The following SGCZ variants were observed in gnomAD, a reference collection of about 807,000 sequenced individuals.
The protein encoded by SGCZ is sarcoglycan zeta, also known as zeta-sarcoglycan.
Under a neutral mutation model 41.3 loss-of-function variants are expected in SGCZ, and 40 were observed. The observed-to-expected ratio is 0.97, with a 90% CI of 0.75 to 1.26. The LOEUF is 1.26. Among genes scored for constraint, SGCZ ranks in the 50% most tolerant of loss-of-function variants. The pLI, the probability that SGCZ is intolerant of heterozygous loss-of-function variation, is 0.00. For missense variants in SGCZ, 552 were observed against 369.8 expected, an observed-to-expected ratio of 1.49 and a Z score of -4.04; for synonymous variants, 206 against 137.5, an observed-to-expected ratio of 1.50 and a Z score of -3.49.
intron 2 of SGCZ, among the ~76,000 whole-genome samples, chr8:14,510,640 A>G (rs879317522): frequency 2.0e-5 from 3 of 152,182 alleles, no homozygotes; most frequent in Non-Finnish European, 2.9e-5. Context: ...AACATCATGA[A>G]GTGAGGCCTG....
intron 1 of SGCZ, among the ~76,000 whole-genome samples, chr8:14,637,418 C>G (rs1050209868): frequency 4.6e-5 from 7 of 151,754 alleles, no homozygotes; most frequent in Non-Finnish European, 8.8e-5. Flanking sequence ...TCCCATCACT[C>G]AGATAATGAA....
intron 2 of SGCZ, among the ~76,000 whole-genome samples, chr8:14,423,376 TA>T (rs1174058037): frequency 1.3e-5 from 2 of 152,096 alleles, no homozygotes; most frequent in Admixed American, 1.3e-4. Context: ...TCTTATCCAT[TA>T]AAAAATAAAT....
At chr8:15,111,270 C>A (rs563296280) in intron 1 of SGCZ, among the ~76,000 whole-genome samples, 1 of 152,138 alleles carries the variant, frequency 6.6e-6, no homozygotes, top group Non-Finnish European at 1.5e-5. Context: ...CCCATTTCCA[C>A]GGCTGGGTAA....
rs116424194 is a variant in SGCZ at position 15,207,535 on chromosome 8, C to T, written c.39+30050G>A. Among the ~76,000 whole-genome samples, 842 of 152,110 alleles carry T rather than the reference C, an allele frequency of 5.5e-3. 6 individuals carry two copies. The highest frequency in any genetic ancestry group is 0.019 in the African/African-American group (793 of 41,492). On this transcript the variant is annotated intron_variant, in intron 1 of 7. Transcript: ENST00000382080. Reference sequence around the variant, plus strand: ...CGGCAGAGAAGTGGAGCAGACTGCTCGGTGGTGCCCACAGGACAAGGAGAT... The same window carrying T: ...CGGCAGAGAAGTGGAGCAGACTGCTTGGTGGTGCCCACAGGACAAGGAGAT...
At chr8:15,032,148 A>T (rs1185937229) in intron 1 of SGCZ, among the ~76,000 whole-genome samples, 1 of 152,156 alleles carries the variant, frequency 6.6e-6, no homozygotes, top group Non-Finnish European at 1.5e-5. Flanking sequence ...TTCAGACATC[A>T]GTGAGATGGT....
intron 1 of SGCZ, among the ~76,000 whole-genome samples, chr8:15,058,768 G>T (rs1804808115): frequency 6.6e-6 from 1 of 152,064 alleles, no homozygotes; most frequent in Non-Finnish European, 1.5e-5. Flanking sequence ...AAAATCTCGT[G>T]TCAAAAGTTC....
chr8:14,847,452 T>C (rs1436137375), intron 1 of SGCZ, among the ~76,000 whole-genome samples: 2 of 151,722 alleles, frequency 1.3e-5, no homozygotes, highest in African/African-American at 2.4e-5. Flanking sequence ...ATTGCAGGAA[T>C]GCAAGGATGA....
At chr8:15,138,780 G>A (rs1403078778) in intron 1 of SGCZ, among the ~76,000 whole-genome samples, 1 of 152,112 alleles carries the variant, frequency 6.6e-6, no homozygotes, top group African/African-American at 2.4e-5. Flanking sequence ...TCACAGCAGT[G>A]TGAGAAGATA....
At chr8:14,672,015 G>A (rs1381455133) in intron 1 of SGCZ, among the ~76,000 whole-genome samples, 1 of 151,884 alleles carries the variant, frequency 6.6e-6, no homozygotes, top group African/African-American at 2.4e-5. Flanking sequence ...TTCCAATTTG[G>A]GAATAAAAAT....
chr8:14,435,770 C>T (rs1033586285), intron 2 of SGCZ, among the ~76,000 whole-genome samples: 5 of 152,154 alleles, frequency 3.3e-5, no homozygotes, highest in Admixed American at 6.5e-5. Flanking sequence ...ACTGCAAATA[C>T]GTGAACTTGT....
chr8:14,479,902 C>G (rs1437538541), intron 2 of SGCZ, among the ~76,000 whole-genome samples: 1 of 106,964 alleles, frequency 9.3e-6, no homozygotes, highest in Non-Finnish European at 2.1e-5. Flanking sequence ...TGCACTAGCA[C>G]GCTCGACTAA....
intron 1 of SGCZ, among the ~76,000 whole-genome samples, chr8:14,687,536 A>G (rs376459099): frequency 0.017 from 2,550 of 151,820 alleles, 44 homozygotes; most frequent in South Asian, 0.083. Flanking sequence ...ATCATTTTTT[A>G]TGGCTGCATA....
At chr8:14,140,520 T>C (rs533918921) in intron 5 of SGCZ, among the ~76,000 whole-genome samples, 2 of 152,096 alleles carry the variant, frequency 1.3e-5, no homozygotes, top group East Asian at 1.9e-4. Flanking sequence ...TTCTTATACA[T>C]CAATAACAGA....
chr8:14,407,911 T>C (rs539057309), intron 2 of SGCZ, among the ~76,000 whole-genome samples: 2 of 152,240 alleles, frequency 1.3e-5, no homozygotes, highest in South Asian at 2.1e-4. Context: ...ACCTCTTGAG[T>C]CTCACGTTTT....
At position 14,310,061 on chromosome 8, in the gene SGCZ, A is replaced by G. The variant is rs542720055; in HGVS notation, c.336+14042T>C. Among the ~76,000 whole-genome samples, 69 of 152,230 alleles carry G rather than the reference A, an allele frequency of 4.5e-4. 1 individual carries two copies. The Middle Eastern group carries it at 0.01, about 23-fold the overall frequency. On this transcript the variant is annotated intron_variant, in intron 3 of 7. Coordinates refer to ENST00000382080, the MANE Select transcript of SGCZ (RefSeq NM_139167.4). ...CAGGAAAAAAAAATTCTGTTGTTCCATTGTATGCAGGAGCATATTTTGCTG... is the reference window on the plus strand; with the variant it reads ...CAGGAAAAAAAAATTCTGTTGTTCCGTTGTATGCAGGAGCATATTTTGCTG...
intron 2 of SGCZ, among the ~76,000 whole-genome samples, chr8:14,365,279 C>T (rs1412490652): frequency 6.6e-6 from 1 of 151,874 alleles, no homozygotes; most frequent in Non-Finnish European, 1.5e-5. Context: ...CCTTCTGTTC[C>T]ACTTTTGTCC....
intron 3 of SGCZ, among the ~76,000 whole-genome samples, chr8:14,245,152 G>C (rs1047618291): frequency 1.3e-5 from 2 of 152,176 alleles, no homozygotes; most frequent in Non-Finnish European, 2.9e-5. Flanking sequence ...TGGTGAGAAA[G>C]GGCATACCTG....
At chr8:15,181,903 TTCTA>T (rs1211636321) in intron 1 of SGCZ, among the ~76,000 whole-genome samples, 35 of 152,318 alleles carry the variant, frequency 2.3e-4, no homozygotes, top group Admixed American at 1.4e-3. Context: ...TGATACCTTC[TTCTA>T]ATGCTTTTAA....
At chr8:15,094,949 G>A (rs1249197294) in intron 1 of SGCZ, among the ~76,000 whole-genome samples, 1 of 152,078 alleles carries the variant, frequency 6.6e-6, no homozygotes, top group Admixed American at 6.5e-5. Flanking sequence ...CCCAGTCTCG[G>A]GTATTTGTTC....
Sources: allele counts gnomAD v4.1 joint callset (sites outside exome capture counted in the v4.1 genomes callset), GRCh38; gene constraint gnomAD v4.1.1; transcripts MANE v1.5; gene names NCBI Gene and HGNC (gene_info 2026-07-23, HGNC 2026-07-21).